The following NEMP2 variants were observed in gnomAD, a reference collection of about 807,000 sequenced individuals.
NEMP2 encodes the protein nuclear envelope integral membrane protein 2.
Under a neutral mutation model 54.2 loss-of-function variants are expected in NEMP2, and 53 were observed. The observed-to-expected ratio is 0.98, with a 90% CI of 0.78 to 1.23. The LOEUF (loss-of-function observed/expected upper bound fraction) is 1.23, where lower values mean the gene tolerates loss of function less well. Ranked by LOEUF, NEMP2 falls within the 50% of genes most tolerant of loss-of-function variation. The pLI, the probability that NEMP2 is intolerant of heterozygous loss-of-function variation, is 0.00. For synonymous variants in NEMP2, 197 were observed against 190.3 expected (o/e 1.04, Z -0.29); for missense variants, 455 against 511.3 (o/e 0.89, Z 1.06).
chr2:190,603,631 C>T, the NEMP2 span, among the ~76,000 whole-genome samples: 1 of 148,140 alleles, frequency 6.8e-6, no homozygotes, highest in Non-Finnish European at 1.5e-5. Context: ...CGTTGACACC[C>T]GGGGAGCTCT....
chr2:190,598,748 G>A, the NEMP2 span, among the ~76,000 whole-genome samples: 60 of 152,336 alleles, frequency 3.9e-4, no homozygotes, highest in Non-Finnish European at 6.3e-4. Context: ...CCATGTTGCT[G>A]CACAGACTTA....
the NEMP2 span, among the ~76,000 whole-genome samples, chr2:190,468,334 TTTTGTC>T: frequency 6.6e-6 from 1 of 152,198 alleles, no homozygotes; most frequent in South Asian, 2.1e-4. Context: ...ACTTTTTCTT[TTTTGTC>T]TTTTCTTCAT....
chr2:190,486,026 T>C, the NEMP2 span, among the ~76,000 whole-genome samples: 1 of 152,234 alleles, frequency 6.6e-6, no homozygotes, highest in African/African-American at 2.4e-5. Flanking sequence ...GCTATTTCTG[T>C]CTTCCTATAA....
chr2:190,626,314 T>C, the NEMP2 span: 1 of 152,154 alleles, frequency 6.6e-6, no homozygotes, highest in Non-Finnish European at 1.5e-5. The surrounding 1 kb of genome is among the most constrained non-coding windows in gnomAD (Gnocchi z 4.5). Flanking sequence ...AATTAATAGG[T>C]TTCCTTTAGT....
chr2:190,488,236 G>A, the NEMP2 span, among the ~76,000 whole-genome samples: 14 of 152,202 alleles, frequency 9.2e-5, no homozygotes, highest in Non-Finnish European at 2.1e-4. This position sits in a 1 kb window ranked among gnomAD's most constrained non-coding sequence, Gnocchi z 6.4. Context: ...TCAGATACTT[G>A]CATACCAGGT....
At chr2:190,608,886 A>G in the NEMP2 span, 7 of 152,196 alleles carry the variant, frequency 4.6e-5, no homozygotes, top group Non-Finnish European at 1.0e-4. The surrounding 1 kb of genome is among the most constrained non-coding windows in gnomAD (Gnocchi z 4.9). Context: ...AAAAAATTTT[A>G]TCAGAGGTAC....
At chr2:190,450,853 A>G in the NEMP2 span, among the ~76,000 whole-genome samples, 11 of 152,318 alleles carry the variant, frequency 7.2e-5, no homozygotes, top group African/African-American at 2.2e-4. Flanking sequence ...ACATTATTGA[A>G]AAGAAGAATA....
chr2:190,631,854 G>A, the NEMP2 span, among the ~76,000 whole-genome samples: 1 of 152,082 alleles, frequency 6.6e-6, no homozygotes, highest in Admixed American at 6.5e-5. Flanking sequence ...CCAGGAGTTC[G>A]AGACCAGCCT....
the NEMP2 span, among the ~76,000 whole-genome samples, chr2:190,554,176 C>T: frequency 6.6e-6 from 1 of 152,202 alleles, no homozygotes; most frequent in African/African-American, 2.4e-5. The surrounding 1 kb of genome is among the most constrained non-coding windows in gnomAD (Gnocchi z 5.7). Context: ...AGGAGAGTCC[C>T]TCCAGTGCCT....
the NEMP2 span, among the ~76,000 whole-genome samples, chr2:190,472,070 C>A: frequency 9.9e-5 from 15 of 152,230 alleles, no homozygotes; most frequent in South Asian, 1.7e-3. Context: ...AAAGGATATC[C>A]ACACCAAAAC....
chr2:190,546,285 A>T, the NEMP2 span, among the ~76,000 whole-genome samples: 2 of 152,152 alleles, frequency 1.3e-5, no homozygotes, highest in African/African-American at 4.8e-5. This position sits in a 1 kb window ranked among gnomAD's most constrained non-coding sequence, Gnocchi z 5.1. Context: ...TTCCCTTGTT[A>T]GTCCCTAAAC....
the NEMP2 span, among the ~76,000 whole-genome samples, chr2:190,462,253 T>G: frequency 4.6e-5 from 7 of 152,194 alleles, no homozygotes; most frequent in Admixed American, 1.3e-4. This position sits in a 1 kb window ranked among gnomAD's most constrained non-coding sequence, Gnocchi z 5.7. Flanking sequence ...ATTTACCTCA[T>G]GGTTCTCAAC....
At chr2:190,464,982 A>G in the NEMP2 span, 2 of 816,904 alleles carry the variant, frequency 2.4e-6, no homozygotes, top group Non-Finnish European at 3.0e-6. Flanking sequence ...ACAACTAACT[A>G]CACTGTTAGG....
the NEMP2 span, among the ~76,000 whole-genome samples, chr2:190,575,615 G>C: frequency 6.6e-6 from 1 of 152,186 alleles, no homozygotes; most frequent in Non-Finnish European, 1.5e-5. Flanking sequence ...GGAAAGGTAG[G>C]AGGCCGAGGC....
Position 190,510,676 on chromosome 2 carries a change from T to C in NEMP2, c.954-139A>G. On this transcript the variant is annotated intron_variant, in intron 7 of 8. Coordinates refer to ENST00000409150, the MANE Select transcript of NEMP2 (RefSeq NM_001142645.2). This position sits in a 1 kb window ranked among gnomAD's most constrained non-coding sequence, Gnocchi z 5.7. ...GGAGGCGGATCACGAGGTCAGGAGA[T>C]TGAGACGGTCCTGGCTAACAAGGTG... 1.3e-6 allele frequency: 1 copy of C among 755,504 alleles called. No individual in the cohort carries two copies. The highest frequency in any genetic ancestry group is 2.2e-6 in the Non-Finnish European group (1 of 462,722). 46.8% of individuals were successfully genotyped at this position (755,504 alleles called of 1,614,324 possible).
the NEMP2 span, among the ~76,000 whole-genome samples, chr2:190,607,261 A>G: frequency 6.6e-6 from 1 of 152,206 alleles, no homozygotes; most frequent in Non-Finnish European, 1.5e-5. The surrounding 1 kb of genome is among the most constrained non-coding windows in gnomAD (Gnocchi z 5.2). Context: ...GGAGGGAGTC[A>G]GAAAGATGAG....
chr2:190,426,749 G>A, the NEMP2 span, among the ~76,000 whole-genome samples: 19 of 152,216 alleles, frequency 1.2e-4, no homozygotes, highest in African/African-American at 4.3e-4. This position sits in a 1 kb window ranked among gnomAD's most constrained non-coding sequence, Gnocchi z 4.7. Context: ...TCTCCATTCA[G>A]TTTGAGATCT....
chr2:190,557,995 A>G, the NEMP2 span, among the ~76,000 whole-genome samples: 1 of 152,236 alleles, frequency 6.6e-6, no homozygotes, highest in East Asian at 1.9e-4. Context: ...AGGATTATAA[A>G]TCATTCTACT....
chr2:190,434,581 G>A, the NEMP2 span, among the ~76,000 whole-genome samples: 2 of 152,068 alleles, frequency 1.3e-5, no homozygotes, highest in Admixed American at 1.3e-4. This position sits in a 1 kb window ranked among gnomAD's most constrained non-coding sequence, Gnocchi z 4.3. Flanking sequence ...GACTACATGC[G>A]TGCCACCAGG....
Sources: gnomAD v4.1 joint callset for allele counts (sites outside exome capture counted in the v4.1 genomes callset) on GRCh38, gnomAD v4.1.1 for gene constraint, Gnocchi (gnomAD v3.1) non-coding constraint, MANE v1.5 for transcripts, NCBI Gene and HGNC (gene_info 2026-07-23, HGNC 2026-07-21) for gene names.